Variants in SGCZ observed in about 807,000 individuals in gnomAD.
The protein encoded by SGCZ is sarcoglycan zeta, also known as zeta-sarcoglycan.
SGCZ carries 40 observed loss-of-function variants against 41.3 expected under a neutral mutation model. That is an observed-to-expected ratio of 0.97 (90% confidence interval 0.75 to 1.26). The LOEUF (loss-of-function observed/expected upper bound fraction) is 1.26. Ranked by LOEUF, SGCZ falls within the 50% of genes most tolerant of loss-of-function variation. SGCZ has a pLI of 0.00. For missense variants in SGCZ, 552 were observed against 369.8 expected (o/e 1.49, Z -4.04); for synonymous variants, 206 against 137.5 (o/e 1.50, Z -3.49).
chr8:14,602,280 G>A (rs959421566), intron 1 of SGCZ, among the ~76,000 whole-genome samples: 8 of 152,056 alleles, frequency 5.3e-5, no homozygotes, highest in African/African-American at 1.7e-4. Context: ...TCAAAACACC[G>A]TAGGAATTTG....
At chr8:14,346,548 T>C (rs1478741467) in intron 2 of SGCZ, among the ~76,000 whole-genome samples, 4 of 152,032 alleles carry the variant, frequency 2.6e-5, no homozygotes, top group Non-Finnish European at 5.9e-5. Context: ...GTGCATTTTG[T>C]TAGAAATATT....
intron 1 of SGCZ, among the ~76,000 whole-genome samples, chr8:14,696,898 A>G (rs935781165): frequency 4.6e-5 from 7 of 151,354 alleles, no homozygotes; most frequent in African/African-American, 1.7e-4. Flanking sequence ...AGGCAAGAAG[A>G]GGCGAAATAT....
At chr8:14,983,131 G>A (rs948105590) in intron 1 of SGCZ, among the ~76,000 whole-genome samples, 4 of 151,854 alleles carry the variant, frequency 2.6e-5, no homozygotes, top group Admixed American at 2.0e-4. Context: ...TAAGTATTAT[G>A]TACCTGCTGG....
intron 3 of SGCZ, among the ~76,000 whole-genome samples, chr8:14,315,344 C>T (rs1327503595): frequency 2.0e-5 from 3 of 151,982 alleles, no homozygotes; most frequent in Non-Finnish European, 4.4e-5. Context: ...TATAGGTTAC[C>T]GGCTGGGTAA....
At chr8:14,915,346 T>C (rs1227870124) in intron 1 of SGCZ, among the ~76,000 whole-genome samples, 1 of 152,132 alleles carries the variant, frequency 6.6e-6, no homozygotes, top group Non-Finnish European at 1.5e-5. Context: ...AGAAATCACT[T>C]AGGGAGAAAG....
At chr8:14,343,559 A>G (rs191784742) in intron 2 of SGCZ, among the ~76,000 whole-genome samples, 386 of 152,346 alleles carry the variant, frequency 2.5e-3, no homozygotes, top group Middle Eastern at 6.8e-3. Context: ...AATTTCAAGA[A>G]AATGTTCAGA....
chr8:14,871,520 T>C (rs898936918), intron 1 of SGCZ, among the ~76,000 whole-genome samples: 10 of 151,452 alleles, frequency 6.6e-5, no homozygotes, highest in Non-Finnish European at 1.2e-4. Flanking sequence ...ATAAAGAAAA[T>C]GTGGGCTGGG....
chr8:14,448,113 G>C (rs1187564387), intron 2 of SGCZ, among the ~76,000 whole-genome samples: 6 of 152,096 alleles, frequency 3.9e-5, no homozygotes, highest in African/African-American at 1.4e-4. Context: ...ACAATTAGGA[G>C]ACAGGAGATG....
At chr8:15,097,909 T>TATATATATACAC (rs1563124228) in intron 1 of SGCZ, among the ~76,000 whole-genome samples, 4 of 109,330 alleles carry the variant, frequency 3.7e-5, no homozygotes, top group African/African-American at 1.4e-4. Flanking sequence ...TATATATATA[T>TATATATATACAC]ACGTGTGTAT....
intron 2 of SGCZ, among the ~76,000 whole-genome samples, chr8:14,507,269 G>A (rs541792561): frequency 5.3e-4 from 81 of 152,086 alleles, no homozygotes; most frequent in Non-Finnish European, 9.6e-4. Context: ...AAAGGCCACC[G>A]TCTTTCTTAC....
At chr8:14,779,790 T>G (rs1800528464) in intron 1 of SGCZ, among the ~76,000 whole-genome samples, 1 of 152,166 alleles carries the variant, frequency 6.6e-6, no homozygotes, top group African/African-American at 2.4e-5. Context: ...AAATGAAAGT[T>G]ATTAGCAATG....
intron 2 of SGCZ, among the ~76,000 whole-genome samples, chr8:14,401,224 G>C (rs551599747): frequency 3.3e-5 from 5 of 151,812 alleles, no homozygotes; most frequent in African/African-American, 1.2e-4. Context: ...AAAACACATA[G>C]GTCATAATCA....
rs191500894 is a variant in SGCZ at position 14,103,147 on chromosome 8, G to A, written c.621-648C>T. 1.4e-4 allele frequency among the ~76,000 whole-genome samples: 21 copies of A among 151,968 alleles called. No individual in the cohort carries two copies. The South Asian group carries it at 3.5e-3, about 26-fold the overall frequency. ...TCTGTGAAAGAAAAATCAATAGGAG[G>A]GTAATATACAAGTACAAATGCGATT... On this transcript the variant is annotated intron_variant, in intron 6 of 7. Coordinates refer to ENST00000382080, the MANE Select transcript of SGCZ (RefSeq NM_139167.4).
intron 1 of SGCZ, among the ~76,000 whole-genome samples, chr8:15,069,204 T>G (rs1042720026): frequency 1.3e-5 from 2 of 152,140 alleles, no homozygotes; most frequent in African/African-American, 4.8e-5. Flanking sequence ...TCTTGTTTGT[T>G]TTGTTTTTTG....
intron 1 of SGCZ, among the ~76,000 whole-genome samples, chr8:15,130,768 ACTAC>A (rs1219700069): frequency 7.9e-5 from 12 of 152,354 alleles, no homozygotes; most frequent in Admixed American, 5.9e-4. Flanking sequence ...AATTATGCAT[ACTAC>A]CTAAGATTAT....
chr8:14,329,354 A>G (rs956986318), intron 2 of SGCZ, among the ~76,000 whole-genome samples: 2 of 152,198 alleles, frequency 1.3e-5, no homozygotes, highest in African/African-American at 2.4e-5. Context: ...GTGAATTACT[A>G]TTGGACCTGG....
At chr8:14,613,568 T>G (rs906233161) in intron 1 of SGCZ, among the ~76,000 whole-genome samples, 2 of 152,186 alleles carry the variant, frequency 1.3e-5, no homozygotes, top group African/African-American at 4.8e-5. Flanking sequence ...AAATTCTTTC[T>G]TCCTATGCTC....
chr8:15,037,853 A>G (rs868816835), intron 1 of SGCZ, among the ~76,000 whole-genome samples: 4 of 152,190 alleles, frequency 2.6e-5, no homozygotes, highest in Non-Finnish European at 5.9e-5. Context: ...TGAAAAATCA[A>G]TAAGAAAACA....
chr8:15,189,358 G>T (rs934414129), intron 1 of SGCZ, among the ~76,000 whole-genome samples: 16 of 152,098 alleles, frequency 1.1e-4, no homozygotes, highest in African/African-American at 3.4e-4. Context: ...TTCTCTAGAG[G>T]AATCATGACC....
Sources: allele counts gnomAD v4.1 joint callset (sites outside exome capture counted in the v4.1 genomes callset), GRCh38; gene constraint gnomAD v4.1.1; transcripts MANE v1.5; gene names NCBI Gene and HGNC (gene_info 2026-07-23, HGNC 2026-07-21).